SACM1L: variants seen among roughly 807,000 people sequenced by gnomAD.
SACM1L encodes phosphatidylinositol-3-phosphatase SAC1.
SACM1L carries 32 observed loss-of-function variants against 89.5 expected under a neutral mutation model. The observed-to-expected ratio is 0.36, with a 90% CI of 0.27 to 0.48. The LOEUF is 0.48. SACM1L is among the 20% of genes least tolerant of loss of function. The pLI, the probability that SACM1L is intolerant of heterozygous loss-of-function variation, is 0.99. For synonymous variants in SACM1L, 213 were observed against 232.8 expected (o/e 0.92, Z 0.77); for missense variants, 543 against 708.5 (o/e 0.77, Z 2.65).
chr3:45,719,370 T>G (rs1698736549), intron 7 of SACM1L, 130 bp from the exon 8 acceptor site: 2 of 519,814 alleles, frequency 3.8e-6, no homozygotes, highest in Admixed American at 7.4e-5. Flanking sequence ...CTTGTGAATA[T>G]TCATGAAGAT....
intron 1 of SACM1L, among the ~76,000 whole-genome samples, chr3:45,702,757 T>C (rs1698303486): frequency 6.6e-6 from 1 of 152,218 alleles, no homozygotes; most frequent in Non-Finnish European, 1.5e-5. Context: ...AATTACAAAG[T>C]TGCATAAATT....
At chr3:45,696,509 G>T (rs1260150804) in intron 1 of SACM1L, among the ~76,000 whole-genome samples, 3 of 152,084 alleles carry the variant, frequency 2.0e-5, no homozygotes, top group Non-Finnish European at 2.9e-5. Flanking sequence ...GGTCATATGG[G>T]AATTCTATTT....
intron 17 of SACM1L, 36 bp downstream of exon 17, chr3:45,738,707 G>A (rs775441640): frequency 6.5e-7 from 1 of 1,536,134 alleles, no homozygotes; most frequent in African/African-American, 1.4e-5. Context: ...GGCATTACGT[G>A]GTTGTATCTT....
At chr3:45,691,256 A>T (rs189080947) in intron 1 of SACM1L, among the ~76,000 whole-genome samples, 2 of 152,286 alleles carry the variant, frequency 1.3e-5, no homozygotes, top group East Asian at 3.9e-4. Context: ...AAAAAAGTTT[A>T]GAGTGTTTCT....
chr3:45,716,410 A>G (rs1449450380), intron 7 of SACM1L, among the ~76,000 whole-genome samples: 2 of 152,178 alleles, frequency 1.3e-5, no homozygotes, highest in Non-Finnish European at 2.9e-5. Flanking sequence ...TTGAAGCTTC[A>G]GTGAGCTATG....
intron 19 of SACM1L, among the ~76,000 whole-genome samples, chr3:45,743,247 G>A (rs1374524068): frequency 6.6e-6 from 1 of 152,126 alleles, no homozygotes; most frequent in African/African-American, 2.4e-5. Flanking sequence ...GGTTCTCAAA[G>A]TGTAGCCTCT....
intron 1 of SACM1L, among the ~76,000 whole-genome samples, chr3:45,700,617 G>T (rs893498516): frequency 2.0e-5 from 3 of 152,082 alleles, no homozygotes; most frequent in African/African-American, 7.2e-5. Flanking sequence ...TGTGTATTCT[G>T]TCATCCACCC....
chr3:45,722,898 C>T lies in SACM1L; in HGVS notation c.795C>T (p.Ser265=). The change falls in exon 10 of 20, where the codon TCC becomes TCT. Residue 265 remains serine, a synonymous_variant. Transcript: ENST00000389061. Reference sequence around the variant, plus strand: ...GAGGATCAATACCTGTTTTCTGGTCCCAAAGACCAAACCTCAAGTACAAAC... The same window carrying T: ...GAGGATCAATACCTGTTTTCTGGTCTCAAAGACCAAACCTCAAGTACAAAC... ...QTRGSIPVFW[S]QRPNLKYKPL... 6.2e-7 allele frequency: 1 copy of T among 1,613,364 alleles called. No homozygotes were observed. The highest frequency in any genetic ancestry group is 8.5e-7 in the Non-Finnish European group (1 of 1,179,566).
chr3:45,736,796 C>A (rs2673075), intron 14 of SACM1L, among the ~76,000 whole-genome samples: 95,687 of 152,044 alleles, frequency 0.63, 30,550 homozygotes, highest in Non-Finnish European at 0.66. Context: ...GGAGCCTCTC[C>A]AGCAGCTTTG....
chr3:45,697,078 G>A (rs1404692035), intron 1 of SACM1L, among the ~76,000 whole-genome samples: 1 of 151,864 alleles, frequency 6.6e-6, no homozygotes, highest in Non-Finnish European at 1.5e-5. Flanking sequence ...GTCTCAAAGA[G>A]GGATTTGTAT....
chr3:45,730,089 A>G (rs999728495), intron 11 of SACM1L, among the ~76,000 whole-genome samples: 5 of 152,044 alleles, frequency 3.3e-5, no homozygotes, highest in Non-Finnish European at 7.4e-5. Context: ...CAGTTGCTTT[A>G]AAGTCTTTGT....
At chr3:45,726,833 C>A (rs561195692) in intron 11 of SACM1L, among the ~76,000 whole-genome samples, 5 of 150,988 alleles carry the variant, frequency 3.3e-5, no homozygotes, top group African/African-American at 4.9e-5. Context: ...GCATTTACAG[C>A]GACAAATTTT....
rs78799947 is a variant in SACM1L at position 45,719,516 on chromosome 3, A to C, written c.594A>C (p.Ser198=). Residue 198 remains serine (S), a synonymous_variant, in exon 8 of 20, where the codon TCA becomes TCC. Coordinates refer to ENST00000389061, the MANE Select transcript of SACM1L (RefSeq NM_014016.5). ...PVLHGFITMH[S]CSINGKYFDW... ...GTGGTTAAGTTATTACCATGCATTC[A>C]TGTTCTATTAATGGAAAATACTTTG... 1 of 1,603,012 alleles carries C rather than the reference A, an allele frequency of 6.2e-7. No homozygotes were observed. Among genetic ancestry groups the C allele is most frequent in the African/African-American group, 1.3e-5 (1 of 74,764 alleles).
chr3:45,703,523 G>C lies in SACM1L; in HGVS notation c.118G>C (p.Val40Leu). 2 of 1,609,796 alleles carry C rather than the reference G, an allele frequency of 1.2e-6. No homozygotes were observed. Among genetic ancestry groups the C allele is most frequent in the Non-Finnish European group, 1.7e-6 (2 of 1,176,454 alleles). ...TACCATTGACCGTGTGTCCACAGAG[G>C]TTACCCTTGCAGGTATTTTACAGCC... ...VLTIDRVSTEVTLAVKKDVPP... is the reference protein window; with the variant it reads ...VLTIDRVSTELTLAVKKDVPP... Residue 40 changes from valine to leucine, a missense_variant, in exon 2 of 20, where the codon GTT (valine) becomes CTT (leucine). This residue lies in a region of SACM1L where 173 missense variants were observed against 180.9 expected (regional missense o/e 0.96). Coordinates refer to ENST00000389061, the MANE Select transcript of SACM1L (RefSeq NM_014016.5).
chr3:45,702,992 C>T (rs530405789), intron 1 of SACM1L, among the ~76,000 whole-genome samples: 1 of 152,224 alleles, frequency 6.6e-6, no homozygotes, highest in East Asian at 1.9e-4. Flanking sequence ...AAAGTACTTA[C>T]CAAAGATTAG....
chr3:45,714,078 C>T lies in SACM1L; in HGVS notation c.576C>T (p.Gly192=). ...VHRFALPVLH[G]FITMHSCSIN... is the part of the protein sequence containing the mutation. ...GGTTTGCCCTTCCAGTGTTACATGG[C>T]TGTATCCTTACATGATATTACTCTT... is the stretch of plus-strand genomic sequence containing the variant. Residue 192 remains glycine (G), a splice_region_variant and synonymous_variant, in exon 7 of 20, where the codon GGC becomes GGT. Transcript: ENST00000389061. 6.5e-7 allele frequency: 1 copy of T among 1,545,302 alleles called. No individual in the cohort carries two copies. Among genetic ancestry groups the T allele is most frequent in the Non-Finnish European group, 8.8e-7 (1 of 1,134,088 alleles).
At chr3:45,738,715 CTT>C (rs1164148874) in intron 17 of SACM1L, 44 bp downstream of exon 17, 39 of 1,526,772 alleles carry the variant, frequency 2.6e-5, no homozygotes, top group Non-Finnish European at 3.5e-5. Flanking sequence ...GTGGTTGTAT[CTT>C]TGCATTGTTC....
At chr3:45,713,710 T>C (rs1698577005) in intron 6 of SACM1L, 1 of 174,088 alleles carries the variant, frequency 5.7e-6, no homozygotes, top group Non-Finnish European at 1.2e-5. Flanking sequence ...TCATTTGCTA[T>C]GCTTTTTTTG....
At chr3:45,703,686 T>G (rs1053873396) in intron 2 of SACM1L, 151 bp downstream of exon 2, 9 of 497,648 alleles carry the variant, frequency 1.8e-5, no homozygotes, top group African/African-American at 1.5e-4. Flanking sequence ...ATTCATAGGT[T>G]GGTGCATCAA....
Sources: gnomAD v4.1 joint callset for allele counts (sites outside exome capture counted in the v4.1 genomes callset) on GRCh38, gnomAD v4.1.1 for gene constraint, gnomAD v4.1.1 regional missense constraint, MANE v1.5 for transcripts, NCBI Gene and HGNC (gene_info 2026-07-23, HGNC 2026-07-21) for gene names.